The following NELL1 variants were observed in gnomAD, a reference collection of about 807,000 sequenced individuals.
NELL1 encodes the protein neural EGFL like 1.
Under a neutral mutation model 107.4 loss-of-function variants are expected in NELL1, and 76 were observed. That is an observed-to-expected ratio of 0.71 (90% CI 0.59 to 0.86). The LOEUF (loss-of-function observed/expected upper bound fraction) is 0.86, where lower values mean the gene tolerates loss of function less well. NELL1 is among the 40% of genes least tolerant of loss of function. The pLI, the probability that NELL1 is intolerant of heterozygous loss-of-function variation, is 0.00. For missense variants in NELL1, 1,024 were observed against 1,005.5 expected, an observed-to-expected ratio of 1.02 and a Z score of -0.25; for synonymous variants, 353 against 341.2, an observed-to-expected ratio of 1.03 and a Z score of -0.38.
At chr11:20,936,067 A>G (rs952181124) in intron 9 of NELL1, among the ~76,000 whole-genome samples, 1 of 152,186 alleles carries the variant, frequency 6.6e-6, no homozygotes, top group Non-Finnish European at 1.5e-5. Context: ...CTCAGGATCA[A>G]TTCTGGGATA....
At chr11:20,680,818 T>A (rs531044200) in intron 2 of NELL1, among the ~76,000 whole-genome samples, 1 of 152,292 alleles carries the variant, frequency 6.6e-6, no homozygotes, top group South Asian at 2.1e-4. Flanking sequence ...TTTGGTGGTT[T>A]GTCAGACATC....
In NELL1 at chr11:20,746,003, ATT is replaced by A. The variant is rs1220612449; in HGVS notation, c.185-37676_185-37675del. Reference sequence around the variant, plus strand: ...ACCTGTCTAAAGTCTGTTAACTCTAATTATTTAACTAATAAGAAGATAGGTGA... The same window carrying A: ...ACCTGTCTAAAGTCTGTTAACTCTAAATTTAACTAATAAGAAGATAGGTGA... On this transcript the variant is annotated intron_variant, in intron 2 of 19. Transcript: ENST00000357134. Among the ~76,000 whole-genome samples the A allele has an allele frequency of 1.1e-4, 17 of 152,328 alleles. No homozygotes were observed. The South Asian group carries it at 2.9e-3, about 26-fold the overall frequency.
chr11:20,941,163 C>A (rs1564978129), intron 10 of NELL1, among the ~76,000 whole-genome samples: 1 of 151,988 alleles, frequency 6.6e-6, no homozygotes. Flanking sequence ...CAAAACAAAA[C>A]AAAACCCACC....
chr11:20,778,263 G>A (rs898489848), intron 2 of NELL1, among the ~76,000 whole-genome samples: 1 of 152,080 alleles, frequency 6.6e-6, no homozygotes, highest in African/African-American at 2.4e-5. Flanking sequence ...TCTTGCTTAC[G>A]TGTCTATCCT....
chr11:20,892,899 A>G (rs956398292), intron 5 of NELL1, among the ~76,000 whole-genome samples: 1 of 148,684 alleles, frequency 6.7e-6, no homozygotes, highest in African/African-American at 2.5e-5. Flanking sequence ...ATTGTACTCC[A>G]GCCTGGGTGA....
chr11:20,719,554 T>C (rs1420059586), intron 2 of NELL1, among the ~76,000 whole-genome samples: 1 of 152,182 alleles, frequency 6.6e-6, no homozygotes, highest in Admixed American at 6.5e-5. Flanking sequence ...ACCTTAAAAG[T>C]TGAGCATGTT....
intron 15 of NELL1, among the ~76,000 whole-genome samples, 178 bp from the exon 16 acceptor site, chr11:21,534,196 C>T (rs182151583): frequency 4.7e-4 from 72 of 152,288 alleles, no homozygotes; most frequent in Middle Eastern, 6.8e-3. Context: ...AAGAATGAAG[C>T]TTTCAATTCA....
chr11:20,785,024 A>G (rs1856925475), intron 3 of NELL1, among the ~76,000 whole-genome samples: 1 of 152,236 alleles, frequency 6.6e-6, no homozygotes. Flanking sequence ...GACCATACAG[A>G]GAGAGTGCTC....
At chr11:20,901,906 A>T (rs1031402294) in intron 5 of NELL1, among the ~76,000 whole-genome samples, 2 of 152,018 alleles carry the variant, frequency 1.3e-5, no homozygotes, top group Non-Finnish European at 2.9e-5. Flanking sequence ...TAAAAACATT[A>T]TATATATATT....
intron 13 of NELL1, among the ~76,000 whole-genome samples, chr11:21,199,184 C>G (rs903531659): frequency 6.6e-6 from 1 of 152,052 alleles, no homozygotes; most frequent in Non-Finnish European, 1.5e-5. Context: ...TTTATTCTTC[C>G]TCTTCATTTA....
chr11:21,456,165 T>C (rs975047136), intron 15 of NELL1, among the ~76,000 whole-genome samples: 6 of 152,314 alleles, frequency 3.9e-5, no homozygotes, highest in African/African-American at 1.4e-4. Context: ...AGTGCTGGGA[T>C]TACAGGCGAT....
At chr11:21,142,541 G>A (rs1855892188) in intron 13 of NELL1, among the ~76,000 whole-genome samples, 1 of 152,224 alleles carries the variant, frequency 6.6e-6, no homozygotes, top group Non-Finnish European at 1.5e-5. Context: ...CACGGCAGAG[G>A]CATGGTGTCA....
chr11:21,207,716 A>G (rs1857418894), intron 13 of NELL1, among the ~76,000 whole-genome samples: 1 of 152,048 alleles, frequency 6.6e-6, no homozygotes, highest in Non-Finnish European at 1.5e-5. Flanking sequence ...CCAAGTTTTT[A>G]CTCTTTAGTC....
chr11:21,407,301 A>T (rs572203360), intron 15 of NELL1, among the ~76,000 whole-genome samples: 3 of 152,070 alleles, frequency 2.0e-5, no homozygotes, highest in South Asian at 4.1e-4. Context: ...CTGTAGTCCT[A>T]ACTACTCAGG....
chr11:20,711,689 A>G (rs1466766823), intron 2 of NELL1, among the ~76,000 whole-genome samples: 1 of 151,880 alleles, frequency 6.6e-6, no homozygotes, highest in Non-Finnish European at 1.5e-5. Flanking sequence ...ATTTTTTTTC[A>G]GGAGACTAAA....
At chr11:20,763,764 A>G (rs910998168) in intron 2 of NELL1, among the ~76,000 whole-genome samples, 2 of 152,268 alleles carry the variant, frequency 1.3e-5, no homozygotes, top group African/African-American at 4.8e-5. Flanking sequence ...AGGCCAGCTG[A>G]GAAGCACCAG....
At chr11:21,225,593 A>G (rs1420100117) in intron 13 of NELL1, among the ~76,000 whole-genome samples, 2 of 152,068 alleles carry the variant, frequency 1.3e-5, no homozygotes, top group African/African-American at 4.8e-5. Flanking sequence ...GTGGTTATCT[A>G]CTGGTTGTTG....
At chr11:21,390,074 C>T (rs77124305) in intron 15 of NELL1, among the ~76,000 whole-genome samples, 4,650 of 151,778 alleles carry the variant, frequency 0.031, 99 homozygotes, top group Middle Eastern at 0.044. Context: ...TTACTTATTA[C>T]CTGCCTTTTT....
intron 16 of NELL1, among the ~76,000 whole-genome samples, chr11:21,538,887 T>C (rs1856215665): frequency 6.6e-6 from 1 of 152,122 alleles, no homozygotes; most frequent in Non-Finnish European, 1.5e-5. Context: ...TTATTTTCCT[T>C]TGTTCTCTCA....
Sources: allele counts gnomAD v4.1 joint callset (sites outside exome capture counted in the v4.1 genomes callset), GRCh38; gene constraint gnomAD v4.1.1; transcripts MANE v1.5; gene names NCBI Gene and HGNC (gene_info 2026-07-23, HGNC 2026-07-21).